HBP1: variants seen among roughly 807,000 people sequenced by gnomAD.
HBP1 encodes the protein HMG box-containing protein 1.
In HBP1, 20 loss-of-function variants were observed where a neutral mutation model predicts 62.6. The ratio of observed to expected loss-of-function variants is 0.32; its 90% CI spans 0.22 to 0.46. The LOEUF (loss-of-function observed/expected upper bound fraction) is 0.46, where lower values mean the gene tolerates loss of function less well. Ranked by LOEUF, HBP1 falls within the 20% of genes least tolerant of loss-of-function variation. The pLI is 1.00. For missense variants in HBP1, 480 were observed against 611.8 expected, an observed-to-expected ratio of 0.78 and a Z score of 2.27; for synonymous variants, 232 against 206.2, an observed-to-expected ratio of 1.12 and a Z score of -1.07.
rs915710997 is a variant in HBP1 at position 107,169,119 on chromosome 7, G to A, written c.-82G>A. On this transcript the variant is annotated 5_prime_UTR_variant, in exon 1 of 11. Coordinates refer to ENST00000222574, the MANE Select transcript of HBP1 (RefSeq NM_012257.4). ...CCGACGTCGGTCGGAGAGGGGGTAC[G>A]AGAGCTGCTGGTGGTGTTGTCGTGG... 45 of 1,268,532 alleles carry A rather than the reference G, an allele frequency of 3.5e-5. No individual in the cohort carries two copies. The African/African-American group carries it at 6.9e-4, about 19-fold the overall frequency. 78.6% of individuals were successfully genotyped at this position (1,268,532 alleles called of 1,614,324 possible).
intron 8 of HBP1, among the ~76,000 whole-genome samples, chr7:107,192,385 TAAGA>T (rs1248210916): frequency 2.0e-5 from 3 of 151,960 alleles, no homozygotes; most frequent in African/African-American, 4.8e-5. Flanking sequence ...TCTTATATAT[TAAGA>T]AAGATATTAA....
In HBP1 at chr7:107,199,154, C is replaced by T. The variant is rs991121638; in HGVS notation, c.1386-1006C>T. On this transcript the variant is annotated intron_variant, in intron 9 of 10. Coordinates refer to ENST00000222574, the MANE Select transcript of HBP1 (RefSeq NM_012257.4). ...AGGCTGGAGTGCAGTGGCGGGATAT[C>T]GGCTCACTGCAACCTCTGCCTCCCG... 4.6e-5 allele frequency among the ~76,000 whole-genome samples: 7 copies of T among 152,132 alleles called. No homozygotes were observed. The East Asian group carries it at 7.7e-4, about 17-fold the overall frequency.
intron 1 of HBP1, among the ~76,000 whole-genome samples, chr7:107,176,816 G>A (rs572476990): frequency 6.6e-6 from 1 of 150,692 alleles, no homozygotes; most frequent in Non-Finnish European, 1.5e-5. Flanking sequence ...GGGGGAAATT[G>A]TTATATCCTA....
rs948402788 is a variant in HBP1, at chr7:107,176,012, G to T, written c.-15-3867G>T. ...ATTACAGGCGTGAGCCACCGCACCC[G>T]GCTTTTTTTCTTTTTTCATTTTTTT... On this transcript the variant is annotated intron_variant, in intron 1 of 10. Transcript: ENST00000222574. 4.7e-5 allele frequency among the ~76,000 whole-genome samples: 7 copies of T among 148,294 alleles called. No individual in the cohort carries two copies. The East Asian group carries it at 1.4e-3, about 30-fold the overall frequency.
intron 1 of HBP1, 99 bp downstream of exon 1, chr7:107,169,284 T>A: frequency 1.7e-6 from 1 of 590,224 alleles, no homozygotes; most frequent in Non-Finnish European, 2.3e-6. Flanking sequence ...CCTCGTTCCT[T>A]CTTCTCGGAG....
Position 107,195,814 on chromosome 7 carries a change from T to G in HBP1, c.1068-20T>G. On this transcript the variant is annotated intron_variant, in intron 8 of 10. Coordinates refer to ENST00000222574, the MANE Select transcript of HBP1 (RefSeq NM_012257.4). ...ATTCAAAATTGAATTAAAATATTAT[T>G]ATTTTTTTTAATTTTATAGCTATGA... 2 of 1,135,896 alleles carry G rather than the reference T, an allele frequency of 1.8e-6. No individual in the cohort carries two copies. The highest frequency in any genetic ancestry group is 2.4e-6 in the Non-Finnish European group (2 of 830,586). The allele number at this position is 1,135,896 out of a possible 1,614,324, so 70.4% of individuals were successfully genotyped here. A position where few individuals can be genotyped will look rare whatever the true frequency, so the allele number is the denominator to read the frequency against.
At position 107,169,796 on chromosome 7, in the gene HBP1, T is replaced by A. The variant is rs1584467070; in HGVS notation, c.-16+611T>A. On this transcript the variant is annotated intron_variant, in intron 1 of 10. Coordinates refer to ENST00000222574, the MANE Select transcript of HBP1 (RefSeq NM_012257.4). ...GGAAAAACAAGCCCGGAGTCCGGGC[T>A]GCGGTCACATGATGGGGGGAAGGGA... is the stretch of plus-strand genomic sequence containing the variant. 5 of 973,092 alleles carry A rather than the reference T, an allele frequency of 5.1e-6. No individual in the cohort carries two copies. The South Asian group carries it at 2.4e-4, about 47-fold the overall frequency. 60.3% of individuals were successfully genotyped at this position (973,092 alleles called of 1,614,324 possible).
At chr7:107,187,012 G>C (rs894469607) in intron 6 of HBP1, among the ~76,000 whole-genome samples, 1 of 152,164 alleles carries the variant, frequency 6.6e-6, no homozygotes, top group Non-Finnish European at 1.5e-5. Context: ...CAGCACTTTG[G>C]GAGGCTGAGG....
At chr7:107,171,073 A>ATATATATATATATATTTTTTTT in intron 1 of HBP1, among the ~76,000 whole-genome samples, 4 of 87,200 alleles carry the variant, frequency 4.6e-5, no homozygotes, top group African/African-American at 2.6e-4. Context: ...ATATATATAT[A>ATATATATATATATATTTTTTTT]TTTTTTTTTT....
chr7:107,187,865 G>T (rs1437457893), intron 6 of HBP1, among the ~76,000 whole-genome samples: 2 of 152,162 alleles, frequency 1.3e-5, no homozygotes, highest in African/African-American at 4.8e-5. Context: ...CCTGGTACTT[G>T]ACTGCCCGCA....
At position 107,190,330 on chromosome 7, in the gene HBP1, T is replaced by A; in HGVS notation, c.1067+13T>A. 6.3e-7 allele frequency: 1 copy of A among 1,576,078 alleles called. No individual in the cohort carries two copies. The highest frequency in any genetic ancestry group is 8.7e-7 in the Non-Finnish European group (1 of 1,151,714). ...ATACATTTAAAAGGTAATATTGGAT[T>A]AATTCTTTGTTTTATTTTCCTCTTA... On this transcript the variant is annotated intron_variant, in intron 8 of 10. Coordinates refer to ENST00000222574, the MANE Select transcript of HBP1 (RefSeq NM_012257.4).
rs200344422 is a variant in HBP1, at chr7:107,190,132, C to T, written c.923-41C>T. 18 of 1,525,892 alleles carry T rather than the reference C, an allele frequency of 1.2e-5. No homozygotes were observed. The East Asian group carries it at 3.8e-4, about 32-fold the overall frequency. 94.5% of individuals were successfully genotyped at this position (1,525,892 alleles called of 1,614,324 possible). On this transcript the variant is annotated intron_variant, in intron 7 of 10. Transcript: ENST00000222574. The stretch of plus-strand genomic sequence containing the variant: ...TGTCTGTTCTAAAGTAGGGTGCTTT[C>T]TGTGAGTCCTCATCCTTTATGCAAC...
intron 8 of HBP1, among the ~76,000 whole-genome samples, chr7:107,194,165 T>C (rs1797781451): frequency 6.6e-6 from 1 of 152,214 alleles, no homozygotes; most frequent in African/African-American, 2.4e-5. Flanking sequence ...GTAATGTTAG[T>C]CATTGAATTT....
At chr7:107,198,670 T>TTAA (rs1220329109) in intron 9 of HBP1, among the ~76,000 whole-genome samples, 1 of 147,278 alleles carries the variant, frequency 6.8e-6, no homozygotes, top group Non-Finnish European at 1.5e-5. Flanking sequence ...TAAAGCTGCC[T>TTAA]TAATTCAATG....
intron 4 of HBP1, among the ~76,000 whole-genome samples, chr7:107,186,147 CTTT>C (rs961142033): frequency 2.2e-5 from 3 of 135,116 alleles, no homozygotes; most frequent in African/African-American, 8.4e-5. Context: ...TTGTGTGTGT[CTTT>C]TTTTTCTTTT....
intron 1 of HBP1, among the ~76,000 whole-genome samples, chr7:107,177,323 C>T (rs1400358619): frequency 6.6e-6 from 1 of 152,162 alleles, no homozygotes; most frequent in Non-Finnish European, 1.5e-5. Flanking sequence ...GCCCTTTTTG[C>T]TACACCATAA....
chr7:107,184,566 AG>A (rs1261507136), intron 3 of HBP1, among the ~76,000 whole-genome samples: 2 of 152,106 alleles, frequency 1.3e-5, no homozygotes, highest in Non-Finnish European at 2.9e-5. Flanking sequence ...GCTCGAGTGC[AG>A]TGGTGCAATC....
intron 3 of HBP1, among the ~76,000 whole-genome samples, chr7:107,185,130 A>G (rs1411554216): frequency 6.6e-6 from 1 of 152,206 alleles, no homozygotes; most frequent in Non-Finnish European, 1.5e-5. Context: ...GTCTGGTAAA[A>G]GAGACTTTTG....
chr7:107,171,073 A>ATATTTTTTTTTTTTTT lies in HBP1; in HGVS notation c.-16+1889_-16+1890insATTTTTTTTTTTTTTT. Among the ~76,000 whole-genome samples, 28 of 87,194 alleles carry ATATTTTTTTTTTTTTT rather than the reference A, an allele frequency of 3.2e-4. 2 individuals carry two copies. Among genetic ancestry groups the ATATTTTTTTTTTTTTT allele is most frequent in the African/African-American group, 1.3e-3 (19 of 15,086 alleles). 57.2% of individuals were successfully genotyped at this position (87,194 alleles called of 152,430 possible). A position where few individuals can be genotyped will look rare whatever the true frequency, so the allele number is the denominator to read the frequency against. ...TATATATATATATATATATATATAT[A>ATATTTTTTTTTTTTTT]TTTTTTTTTTTTTTTGAGAGGGAGT... On this transcript the variant is annotated intron_variant, in intron 1 of 10. Transcript: ENST00000222574.
Sources: gnomAD v4.1 joint callset for allele counts (sites outside exome capture counted in the v4.1 genomes callset) on GRCh38, gnomAD v4.1.1 for gene constraint, MANE v1.5 for transcripts, NCBI Gene and HGNC (gene_info 2026-07-23, HGNC 2026-07-21) for gene names.